The following DCDC1 variants were observed in gnomAD, a reference collection of about 807,000 sequenced individuals.
DCDC1 encodes doublecortin domain-containing protein 1.
A neutral mutation model predicts 178.3 loss-of-function variants in DCDC1; 200 were observed. The observed-to-expected ratio is 1.12, with a 90% CI of 1.00 to 1.26. DCDC1 has a LOEUF of 1.26. DCDC1 is among the 50% of genes most tolerant of loss of function. The pLI, the probability that DCDC1 is intolerant of heterozygous loss-of-function variation, is 0.00. For missense variants in DCDC1, 1,983 were observed against 1,749.2 expected (o/e 1.13, Z -2.38); for synonymous variants, 690 against 604.8 (o/e 1.14, Z -2.07).
intron 20 of DCDC1, among the ~76,000 whole-genome samples, chr11:30,956,476 T>C (rs1948782385): frequency 6.6e-6 from 1 of 152,226 alleles, no homozygotes. Flanking sequence ...TTTATGGTAT[T>C]TGAGTCACCA....
intron 6 of DCDC1, among the ~76,000 whole-genome samples, chr11:31,303,128 A>C (rs894156637): frequency 6.6e-6 from 1 of 152,172 alleles, no homozygotes; most frequent in African/African-American, 2.4e-5. Context: ...AATTGCATTA[A>C]ATTGAATTTA....
chr11:31,269,806 C>G (rs1236240853), intron 7 of DCDC1, among the ~76,000 whole-genome samples: 1 of 152,160 alleles, frequency 6.6e-6, no homozygotes, highest in African/African-American at 2.4e-5. Flanking sequence ...ACAATGTTTT[C>G]AGTTTAATCT....
chr11:31,300,260 T>C (rs1454029560), intron 6 of DCDC1, among the ~76,000 whole-genome samples: 1 of 152,204 alleles, frequency 6.6e-6, no homozygotes, highest in African/African-American at 2.4e-5. Flanking sequence ...CTGGCAGTGA[T>C]GAAGAAAGTA....
rs1462573571 is a variant in DCDC1, at chr11:31,305,781, G to C, written c.592-4C>G. On this transcript the variant is annotated splice_region_variant and splice_polypyrimidine_tract_variant and intron_variant, in intron 5 of 38. Coordinates refer to ENST00000684477, the MANE Select transcript of DCDC1 (RefSeq NM_001387274.1). ...TTTCTGTGCACTCCTCCAGCAGCTA[G>C]AAGAAAGCAAGAGGTAAGTCAAAGT... The C allele has an allele frequency of 6.2e-7, 1 of 1,612,010 alleles. No homozygotes were observed. The highest frequency in any genetic ancestry group is 1.7e-5 in the Admixed American group (1 of 59,784).
At chr11:31,283,317 G>A (rs1253097100) in intron 7 of DCDC1, among the ~76,000 whole-genome samples, 3 of 151,426 alleles carry the variant, frequency 2.0e-5, no homozygotes, top group African/African-American at 7.3e-5. Flanking sequence ...CTGTCTTGAA[G>A]TTCACGGATC....
chr11:31,160,230 CAACTT>C (rs889102311), intron 9 of DCDC1, among the ~76,000 whole-genome samples: 8 of 152,058 alleles, frequency 5.3e-5, no homozygotes, highest in African/African-American at 1.9e-4. Context: ...ATAATTGAAT[CAACTT>C]AAGATACAAA....
At chr11:30,939,680 G>C (rs1308878353) in intron 21 of DCDC1, among the ~76,000 whole-genome samples, 3 of 152,168 alleles carry the variant, frequency 2.0e-5, no homozygotes, top group African/African-American at 7.2e-5. Flanking sequence ...TCTTTAATGA[G>C]CTGACCCCAC....
chr11:31,063,933 G>T (rs188276155), intron 20 of DCDC1, among the ~76,000 whole-genome samples: 1 of 152,118 alleles, frequency 6.6e-6, no homozygotes, highest in African/African-American at 2.4e-5. Context: ...AAATAAAGAG[G>T]ATCAGAGAAA....
At chr11:30,883,770 T>C (rs899621421) in intron 36 of DCDC1, among the ~76,000 whole-genome samples, 2 of 152,084 alleles carry the variant, frequency 1.3e-5, no homozygotes, top group African/African-American at 4.8e-5. Flanking sequence ...TGTCCTCCAG[T>C]ATACAAAACC....
At chr11:31,213,100 C>CTCTCTCTCTCT (rs1972851664) in intron 9 of DCDC1, among the ~76,000 whole-genome samples, 5 of 44,274 alleles carry the variant, frequency 1.1e-4, no homozygotes, top group African/African-American at 3.4e-4. Context: ...TAAAGCCCAG[C>CTCTCTCTCTCT]CTCTCTCTCT....
chr11:31,287,912 T>G (rs1468569901), intron 7 of DCDC1, among the ~76,000 whole-genome samples: 1 of 151,474 alleles, frequency 6.6e-6, no homozygotes, highest in Non-Finnish European at 1.5e-5. Flanking sequence ...CAGCGTTTTT[T>G]TTTTTTTTAT....
chr11:31,039,072 C>T (rs188757887), intron 20 of DCDC1, among the ~76,000 whole-genome samples: 2 of 152,092 alleles, frequency 1.3e-5, no homozygotes, highest in Admixed American at 6.5e-5. Flanking sequence ...TAGTTGTTTG[C>T]TGTGGATAGT....
intron 36 of DCDC1, among the ~76,000 whole-genome samples, chr11:30,887,181 T>C (rs559148752): frequency 6.6e-6 from 1 of 152,128 alleles, no homozygotes; most frequent in Non-Finnish European, 1.5e-5. Context: ...ATGGAAGAAA[T>C]AGACTAAGCT....
intron 20 of DCDC1, among the ~76,000 whole-genome samples, chr11:30,963,160 C>T (rs745382233): frequency 2.0e-5 from 3 of 152,088 alleles, no homozygotes; most frequent in Admixed American, 1.3e-4. Context: ...CCCAGCACCA[C>T]GCTAGGCATT....
chr11:30,923,539 G>A (rs1282892629), intron 23 of DCDC1, among the ~76,000 whole-genome samples: 4 of 150,578 alleles, frequency 2.7e-5, no homozygotes, highest in Non-Finnish European at 1.5e-5. Flanking sequence ...TGCCTTTTCT[G>A]ATCATTGCAA....
intron 1 of DCDC1, among the ~76,000 whole-genome samples, chr11:31,339,988 C>T (rs1003049246): frequency 2.6e-5 from 4 of 151,766 alleles, no homozygotes; most frequent in African/African-American, 7.3e-5. Flanking sequence ...CTCTTTGATG[C>T]TTTTTAAAGA....
chr11:30,927,387 A>C (rs1045129057), intron 22 of DCDC1, among the ~76,000 whole-genome samples: 2 of 152,144 alleles, frequency 1.3e-5, no homozygotes, highest in Non-Finnish European at 2.9e-5. Flanking sequence ...AAAGAAAAAA[A>C]GAAAGAAAGA....
At chr11:31,175,930 A>G (rs1224970114) in intron 9 of DCDC1, among the ~76,000 whole-genome samples, 1 of 152,210 alleles carries the variant, frequency 6.6e-6, no homozygotes, top group East Asian at 1.9e-4. Flanking sequence ...ACATCATAAA[A>G]TTTGAAAAGA....
At chr11:31,335,154 C>T (rs1288133930) in intron 2 of DCDC1, among the ~76,000 whole-genome samples, 2 of 152,186 alleles carry the variant, frequency 1.3e-5, no homozygotes, top group African/African-American at 4.8e-5. Context: ...AGGTCGATCT[C>T]AGACTGCTTC....
Sources: gnomAD v4.1 joint callset for allele counts (sites outside exome capture counted in the v4.1 genomes callset) on GRCh38, gnomAD v4.1.1 for gene constraint, MANE v1.5 for transcripts, NCBI Gene and HGNC (gene_info 2026-07-23, HGNC 2026-07-21) for gene names.